The following NOL4 variants were observed in gnomAD, a reference collection of about 807,000 sequenced individuals.
NOL4 encodes cancer/testis antigen 125.
In NOL4, 17 loss-of-function variants were observed where a neutral mutation model predicts 75.9. The ratio of observed to expected loss-of-function variants is 0.22; its 90% CI spans 0.15 to 0.34. The LOEUF (loss-of-function observed/expected upper bound fraction) is 0.34, where lower values mean the gene tolerates loss of function less well. Among genes scored for constraint, NOL4 ranks in the 10% least tolerant of loss-of-function variants. The pLI, the probability that NOL4 is intolerant of heterozygous loss-of-function variation, is 1.00. For missense variants in NOL4, 614 were observed against 793.5 expected, an observed-to-expected ratio of 0.77 and a Z score of 2.72; for synonymous variants, 292 against 289.9, an observed-to-expected ratio of 1.01 and a Z score of -0.07.
At chr18:34,207,496 T>C (rs554151420) in intron 1 of NOL4, among the ~76,000 whole-genome samples, 2 of 152,236 alleles carry the variant, frequency 1.3e-5, no homozygotes, top group African/African-American at 4.8e-5. Context: ...CAGTCTTAGT[T>C]TGTGCAGTGG....
At chr18:34,087,012 C>T (rs765174399) in intron 5 of NOL4, among the ~76,000 whole-genome samples, 3 of 152,148 alleles carry the variant, frequency 2.0e-5, no homozygotes, top group Non-Finnish European at 4.4e-5. Flanking sequence ...AACATTTGAG[C>T]ATGAAGTGCA....
chr18:33,852,761 G>T lies in NOL4; in HGVS notation c.*81C>A. ...CTTAAAAGACTGTGCAGTAAGACCA[G>T]AAGTATCTCTGTTGGGAAATCAAAA... On this transcript the variant is annotated 3_prime_UTR_variant, in exon 11 of 11. Transcript: ENST00000261592. 2 of 1,211,780 alleles carry T rather than the reference G, an allele frequency of 1.7e-6. No homozygotes were observed. The highest frequency in any genetic ancestry group is 1.2e-6 in the Non-Finnish European group (1 of 848,262). The allele number at this position is 1,211,780 out of a possible 1,614,324, so 75.1% of individuals were successfully genotyped here.
At chr18:33,867,590 A>G (rs1418363812) in intron 10 of NOL4, among the ~76,000 whole-genome samples, 1 of 152,082 alleles carries the variant, frequency 6.6e-6, no homozygotes, top group African/African-American at 2.4e-5. Flanking sequence ...TGCTTACCAC[A>G]ATTCATACTA....
chr18:34,179,295 T>A (rs944783197), intron 1 of NOL4, among the ~76,000 whole-genome samples: 1 of 151,004 alleles, frequency 6.6e-6, no homozygotes, highest in Non-Finnish European at 1.5e-5. Context: ...TCCACCTTAA[T>A]AAACTAGAAA....
intron 5 of NOL4, among the ~76,000 whole-genome samples, chr18:34,025,624 A>T (rs1276362129): frequency 2.0e-5 from 3 of 152,160 alleles, no homozygotes; most frequent in East Asian, 1.9e-4. Flanking sequence ...ATGGATTGAC[A>T]GATTGATTGA....
intron 9 of NOL4, among the ~76,000 whole-genome samples, chr18:33,890,040 A>T (rs1436671426): frequency 6.6e-6 from 1 of 152,152 alleles, no homozygotes; most frequent in Admixed American, 6.6e-5. Flanking sequence ...TGGCTAGGGC[A>T]GTCAGGCAAG....
At chr18:34,194,276 G>T (rs1487863198) in intron 1 of NOL4, among the ~76,000 whole-genome samples, 5 of 152,012 alleles carry the variant, frequency 3.3e-5, no homozygotes, top group Non-Finnish European at 7.4e-5. Flanking sequence ...GCTCAATTTA[G>T]TCATCCCACA....
At chr18:34,015,681 G>T (rs1353455710) in intron 6 of NOL4, among the ~76,000 whole-genome samples, 2 of 151,800 alleles carry the variant, frequency 1.3e-5, no homozygotes, top group African/African-American at 4.8e-5. Context: ...TCTTTAAAAT[G>T]TCTCTCTCTC....
chr18:33,903,966 A>T (rs1272094537), intron 9 of NOL4, among the ~76,000 whole-genome samples: 1 of 152,164 alleles, frequency 6.6e-6, no homozygotes, highest in East Asian at 1.9e-4. Flanking sequence ...GAGAGCTAAA[A>T]CTAGTTCAAA....
chr18:34,215,451 T>C (rs560882073), intron 1 of NOL4, among the ~76,000 whole-genome samples: 76 of 152,310 alleles, frequency 5.0e-4, no homozygotes, highest in African/African-American at 1.7e-3. Context: ...TATTATATGG[T>C]GAGAATCTGA....
chr18:34,187,631 C>A (rs905673295), intron 1 of NOL4, among the ~76,000 whole-genome samples: 6 of 152,070 alleles, frequency 3.9e-5, no homozygotes, highest in African/African-American at 1.4e-4. Flanking sequence ...TCGTGATACG[C>A]CCGCCTCGGA....
chr18:34,172,402 C>T (rs1312098317), intron 1 of NOL4, among the ~76,000 whole-genome samples: 1 of 151,978 alleles, frequency 6.6e-6, no homozygotes, highest in Non-Finnish European at 1.5e-5. Flanking sequence ...TATACATATA[C>T]TATTTTCTTT....
At chr18:34,000,576 GA>G (rs1403269569) in intron 6 of NOL4, among the ~76,000 whole-genome samples, 2 of 152,060 alleles carry the variant, frequency 1.3e-5, no homozygotes, top group Non-Finnish European at 2.9e-5. Flanking sequence ...GTCTTGATAA[GA>G]AAGACTAGGA....
chr18:34,004,398 T>C (rs1056219158), intron 6 of NOL4, among the ~76,000 whole-genome samples: 1 of 152,116 alleles, frequency 6.6e-6, no homozygotes, highest in Non-Finnish European at 1.5e-5. Context: ...TGATTCTTTT[T>C]GTCAACAGCA....
chr18:34,140,732 C>A (rs1017529677), intron 1 of NOL4, among the ~76,000 whole-genome samples: 1 of 152,088 alleles, frequency 6.6e-6, no homozygotes, highest in Non-Finnish European at 1.5e-5. Flanking sequence ...ATGATGTTAG[C>A]TGGGTATATT....
intron 5 of NOL4, among the ~76,000 whole-genome samples, chr18:34,050,285 G>GA (rs35273482): frequency 8.7e-5 from 13 of 148,828 alleles, no homozygotes; most frequent in Admixed American, 2.0e-4. Flanking sequence ...TCATTTTTTG[G>GA]AAAAAAAAAA....
At chr18:33,974,648 A>T (rs2071351667) in intron 6 of NOL4, among the ~76,000 whole-genome samples, 1 of 152,212 alleles carries the variant, frequency 6.6e-6, no homozygotes, top group African/African-American at 2.4e-5. Context: ...AGTTTATTAC[A>T]TTGCAAGAAT....
intron 4 of NOL4, among the ~76,000 whole-genome samples, chr18:34,100,317 A>T (rs1290188064): frequency 1.3e-5 from 2 of 152,124 alleles, no homozygotes; most frequent in East Asian, 1.9e-4. Context: ...TTTAGAAAAA[A>T]ATATATAATA....
At chr18:34,143,554 T>A (rs569339052) in intron 1 of NOL4, among the ~76,000 whole-genome samples, 1 of 152,234 alleles carries the variant, frequency 6.6e-6, no homozygotes, top group Admixed American at 6.6e-5. Context: ...CTCACTCTTA[T>A]ACAAATTTTA....
Sources: gnomAD v4.1 joint callset for allele counts (sites outside exome capture counted in the v4.1 genomes callset) on GRCh38, gnomAD v4.1.1 for gene constraint, MANE v1.5 for transcripts, NCBI Gene and HGNC (gene_info 2026-07-23, HGNC 2026-07-21) for gene names.